UROD: variants seen among roughly 807,000 people sequenced by gnomAD.
UROD encodes uroporphyrinogen decarboxylase, also known as uroporphyrinogen III decarboxylase.
A neutral mutation model predicts 47.1 loss-of-function variants in UROD; 34 were observed. The observed-to-expected ratio is 0.72, with a 90% CI of 0.55 to 0.96. The LOEUF (loss-of-function observed/expected upper bound fraction) is 0.96. Ranked by LOEUF, UROD falls within the 40% of genes least tolerant of loss-of-function variation. UROD has a pLI of 0.00. For synonymous variants in UROD, 148 were observed against 175.8 expected (o/e 0.84, Z 1.25); for missense variants, 381 against 471.8 (o/e 0.81, Z 1.78).
Position 45,013,660 on chromosome 1 carries a change from G to A in UROD, c.343G>A (p.Glu115Lys), listed in dbSNP as rs772122654. ...GPSFPEPLRE[E>K]QDLERLRDPE... is the part of the protein sequence containing the mutation. ...CAGCTTCCCAGAGCCATTAAGAGAAGAGCAGGACCTAGAACGCCTACGGGA... is the reference window on the plus strand; with the variant it reads ...CAGCTTCCCAGAGCCATTAAGAGAAAAGCAGGACCTAGAACGCCTACGGGA... Residue 115 changes from glutamate to lysine, a missense_variant, in exon 5 of 10, where the codon GAG becomes AAG. Coordinates refer to ENST00000246337, the MANE Select transcript of UROD (RefSeq NM_000374.5). This position sits in a 1 kb window ranked among gnomAD's most constrained non-coding sequence, Gnocchi z 4.2. 15 of 1,614,030 alleles carry A rather than the reference G, an allele frequency of 9.3e-6. No homozygotes were observed. In the East Asian group the frequency reaches 3.1e-4, roughly 34 times the overall value.
At chr1:45,012,766 C>T in intron 1 of UROD, 141 bp from the exon 2 acceptor site, 1 of 1,526,862 alleles carries the variant, frequency 6.5e-7, no homozygotes, top group Non-Finnish European at 8.9e-7. Flanking sequence ...GGAGGCGGAA[C>T]GGGCGGAAAG....
rs1463137951 is a variant in UROD at position 45,013,340 on chromosome 1, CTTG to C, written c.267_269del (p.Val90del). On this transcript the variant is annotated inframe_deletion, in exon 4 of 10. Transcript: ENST00000246337. This position sits in a 1 kb window ranked among gnomAD's most constrained non-coding sequence, Gnocchi z 4.2. The stretch of plus-strand genomic sequence containing the variant: ...TGCTGCCATCATTTTCTCCGACATC[CTTG>C]TTGTACCCCAGGTACCCACTCAAAC... 6.2e-6 allele frequency: 10 copies of C among 1,614,100 alleles called. No individual in the cohort carries two copies. In the African/African-American group the frequency reaches 8.0e-5, roughly 13 times the overall value.
rs1644827689 is a variant in UROD, at chr1:45,014,029, C to T, written c.595C>T (p.Leu199=). 1 of 1,614,126 alleles carries T rather than the reference C, an allele frequency of 6.2e-7. No homozygotes were observed. Among genetic ancestry groups the T allele is most frequent in the African/African-American group, 1.3e-5 (1 of 74,952 alleles). Residue 199 remains leucine (L), a synonymous_variant, in exon 6 of 10, where the codon CTG becomes TTG. Transcript: ENST00000246337. ...GCTGCTTCGCATCCTCACTGATGCT[C>T]TGGTCCCATATCTGGTAGGACAAGT... ...HQLLRILTDA[L]VPYLVGQVVA...
Position 45,015,553 on chromosome 1 carries a change from A to G in UROD, c.*55A>G, listed in dbSNP as rs1644845615. The G allele has an allele frequency of 1.2e-6, 2 of 1,613,360 alleles. No homozygotes were observed. Among genetic ancestry groups the G allele is most frequent in the South Asian group, 2.2e-5 (2 of 90,994 alleles). On this transcript the variant is annotated 3_prime_UTR_variant, in exon 10 of 10. Transcript: ENST00000246337. ...ACACAGATGATTGATCGTTTCCAGG[A>G]CAATAAAAGTTTCGGAGTTGAACTA...
At chr1:45,012,750 C>A in intron 1 of UROD, 157 bp from the exon 2 acceptor site, 1 of 1,477,380 alleles carries the variant, frequency 6.8e-7, no homozygotes, top group Non-Finnish European at 9.2e-7. Flanking sequence ...ACCTGATAGG[C>A]AGAGAGGAGG....
rs1341513087 is a variant in UROD, at chr1:45,013,123, C to T, written c.134-13C>T. On this transcript the variant is annotated splice_polypyrimidine_tract_variant and intron_variant, in intron 2 of 9. Transcript: ENST00000246337. The surrounding 1 kb of genome is among the most constrained non-coding windows in gnomAD (Gnocchi z 4.2). ...GGCCTCAAGGCTGAGCCCTGTCTTCCCTCTGTATGCAGAGTTTAGGGAAAC... is the reference window on the plus strand; with the variant it reads ...GGCCTCAAGGCTGAGCCCTGTCTTCTCTCTGTATGCAGAGTTTAGGGAAAC... 72 of 1,614,024 alleles carry T rather than the reference C, an allele frequency of 4.5e-5. No individual in the cohort carries two copies. The highest frequency in any genetic ancestry group is 5.8e-5 in the Non-Finnish European group (69 of 1,180,026).
Position 45,014,500 on chromosome 1 carries a change from C to T in UROD, c.698C>T (p.Ala233Val). 1 of 1,614,202 alleles carries T rather than the reference C, an allele frequency of 6.2e-7. No individual in the cohort carries two copies. Residue 233 changes from alanine (A) to valine (V), a missense_variant, in exon 7 of 10, where the codon GCA (alanine) becomes GTA (valine). By Grantham distance (64) the Ala-to-Val change is moderately conservative. Coordinates refer to ENST00000246337, the MANE Select transcript of UROD (RefSeq NM_000374.5). ...HLGPQLFNKF[A>V]LPYIRDVAKQ... ...GGCCCACAGCTCTTCAACAAGTTTG[C>T]ACTGCCTTACATCCGTGATGTGGCC...
At chr1:45,014,105 T>A in intron 6 of UROD, 35 bp downstream of exon 6, 1 of 1,614,046 alleles carries the variant, frequency 6.2e-7, no homozygotes, top group Non-Finnish European at 8.5e-7. Context: ...AGGCTGGGAT[T>A]TGGTCTGTAA....
Position 45,014,952 on chromosome 1 carries a change from G to C in UROD, c.888G>C (p.Gly296=). The change falls in exon 9 of 10, where the codon GGG becomes GGC. Residue 296 remains glycine, a synonymous_variant. Transcript: ENST00000246337. ...VAPKKARECV[G]KTVTLQGNLD... ...GCTTTGCTTCCAGGGAGTGTGTGGG[G>C]AAGACGGTGACATTGCAGGGCAACC... 1.2e-6 allele frequency: 2 copies of C among 1,614,118 alleles called. No individual in the cohort carries two copies. The highest frequency in any genetic ancestry group is 1.7e-6 in the Non-Finnish European group (2 of 1,179,992).
chr1:45,015,526 T>C lies in UROD; in HGVS notation c.*28T>C, dbSNP rs758339621. On this transcript the variant is annotated 3_prime_UTR_variant, in exon 10 of 10. Transcript: ENST00000246337. The stretch of plus-strand genomic sequence containing the variant: ...GTATACCTTTACCCTCAAGTACCAC[T>C]AACACAGATGATTGATCGTTTCCAG... 2 of 1,614,184 alleles carry C rather than the reference T, an allele frequency of 1.2e-6. No homozygotes were observed. The highest frequency in any genetic ancestry group is 1.1e-5 in the South Asian group (1 of 91,084).
rs1394420752 is a variant in UROD at position 45,012,407 on chromosome 1, A to T, written c.20+122A>T. The T allele has an allele frequency of 4.4e-6, 6 of 1,372,386 alleles. No homozygotes were observed. In the African/African-American group the frequency reaches 5.7e-5, roughly 13 times the overall value. 85.0% of individuals were successfully genotyped at this position (1,372,386 alleles called of 1,614,324 possible). On this transcript the variant is annotated intron_variant, in intron 1 of 9. Transcript: ENST00000246337. ...GAGACCTCCCAACCTGAACTCCGTTAGCTGGGATCCTGAATCCTAAAACCA... is the reference window on the plus strand; with the variant it reads ...GAGACCTCCCAACCTGAACTCCGTTTGCTGGGATCCTGAATCCTAAAACCA...
chr1:45,012,910 T>G lies in UROD; in HGVS notation c.24T>G (p.Pro8=). 1 of 1,512,318 alleles carries G rather than the reference T, an allele frequency of 6.6e-7. No individual in the cohort carries two copies. Among genetic ancestry groups the G allele is most frequent in the Non-Finnish European group, 9.1e-7 (1 of 1,102,190 alleles). 93.7% of individuals were successfully genotyped at this position (1,512,318 alleles called of 1,614,324 possible). MEANGLG[P]QGFPELKNDT... ...CCCACCCCCACCTGATCGCCAGACCTCAGGGTTTTCCGGAGCTGAAGAATG... is the reference window on the plus strand; with the variant it reads ...CCCACCCCCACCTGATCGCCAGACCGCAGGGTTTTCCGGAGCTGAAGAATG... The change falls in exon 2 of 10, where the codon CCT becomes CCG. Residue 8 remains proline, a synonymous_variant. Coordinates refer to ENST00000246337, the MANE Select transcript of UROD (RefSeq NM_000374.5).
At chr1:45,012,788 G>C in intron 1 of UROD, 119 bp from the exon 2 acceptor site, 1 of 1,547,246 alleles carries the variant, frequency 6.5e-7, no homozygotes, top group Non-Finnish European at 8.7e-7. Flanking sequence ...CAGGGTTTGG[G>C]AGCTGGCCTG....
At position 45,015,321 on chromosome 1, in the gene UROD, C is replaced by T. The variant is rs1644842753; in HGVS notation, c.943-16C>T. ...TTGCTGGTCCTCCTGTAGCCAGTGC[C>T]CTGTTGGTCCCCCAGGAGGAGATCG... On this transcript the variant is annotated splice_polypyrimidine_tract_variant and intron_variant, in intron 9 of 9. Transcript: ENST00000246337. 1.4e-5 allele frequency: 22 copies of T among 1,613,482 alleles called. No homozygotes were observed. The highest frequency in any genetic ancestry group is 1.9e-5 in the Non-Finnish European group (22 of 1,179,918).
At chr1:45,014,917 C>T (rs375235440) in intron 8 of UROD, 23 bp from the exon 9 acceptor site, 64 of 1,614,006 alleles carry the variant, frequency 4.0e-5, no homozygotes, top group East Asian at 8.9e-5. Flanking sequence ...GTTACCAGAA[C>T]GTGGCGCTGG....
At position 45,013,823 on chromosome 1, in the gene UROD, CG is replaced by C; in HGVS notation, c.474+36del. On this transcript the variant is annotated intron_variant, in intron 5 of 9. Transcript: ENST00000246337. The surrounding 1 kb of genome is among the most constrained non-coding windows in gnomAD (Gnocchi z 4.2). ...TGGGACAGGGCAGGGACTCGGGGCG[CG>C]GGGAGATCACTCTGGAAGGTCTGGG... 2 of 1,614,088 alleles carry C rather than the reference CG, an allele frequency of 1.2e-6. No individual in the cohort carries two copies. Among genetic ancestry groups the C allele is most frequent in the Non-Finnish European group, 1.7e-6 (2 of 1,180,016 alleles).
In UROD at chr1:45,013,364, CAA is replaced by C. The variant is rs774453108; in HGVS notation, c.276+12_276+13del. 6.2e-7 allele frequency: 1 copy of C among 1,614,222 alleles called. No individual in the cohort carries two copies. The highest frequency in any genetic ancestry group is 8.5e-7 in the Non-Finnish European group (1 of 1,180,046). ...CCTTGTTGTACCCCAGGTACCCACTCAAACCTGATCCTAGAATATAATCCAAG... is the reference window on the plus strand; with the variant it reads ...CCTTGTTGTACCCCAGGTACCCACTCACCTGATCCTAGAATATAATCCAAG... On this transcript the variant is annotated intron_variant, in intron 4 of 9. Coordinates refer to ENST00000246337, the MANE Select transcript of UROD (RefSeq NM_000374.5). The surrounding 1 kb of genome is among the most constrained non-coding windows in gnomAD (Gnocchi z 4.2).
At chr1:45,014,691 G>A in intron 7 of UROD, 45 bp from the exon 8 acceptor site, 5 of 1,613,598 alleles carry the variant, frequency 3.1e-6, no homozygotes, top group Non-Finnish European at 4.2e-6. Flanking sequence ...AAAGATTAGT[G>A]GTTGTAGCAA....
intron 8 of UROD, 35 bp from the exon 9 acceptor site, chr1:45,014,905 C>G (rs1225406058): frequency 1.2e-6 from 2 of 1,614,018 alleles, no homozygotes; most frequent in African/African-American, 1.3e-5. Context: ...GCCATGTATG[C>G]AGTTACCAGA....
Sources: gnomAD v4.1 joint callset for allele counts on GRCh38, gnomAD v4.1.1 for gene constraint, Gnocchi (gnomAD v3.1) non-coding constraint, MANE v1.5 for transcripts, NCBI Gene and HGNC (gene_info 2026-07-23, HGNC 2026-07-21) for gene names.